Variants in RFX4 observed in about 807,000 individuals in gnomAD.
The protein encoded by RFX4 is regulatory factor X4, also known as transcription factor RFX4.
In RFX4, 10 loss-of-function variants were observed where a neutral mutation model predicts 95.0. The ratio of observed to expected loss-of-function variants is 0.11; its 90% CI spans 0.06 to 0.18. RFX4 has a LOEUF of 0.18. Among genes scored for constraint, RFX4 ranks in the 10% least tolerant of loss-of-function variants. The probability of loss-of-function intolerance (pLI) is 1.00; values close to 1 mark genes in which losing one functional copy is unlikely to be tolerated. For synonymous variants in RFX4, 321 were observed against 340.7 expected (o/e 0.94, Z 0.64); for missense variants, 640 against 922.0 (o/e 0.69, Z 3.96).
intron 11 of RFX4, among the ~76,000 whole-genome samples, chr12:106,719,520 T>C (rs145603799): frequency 4.0e-3 from 615 of 152,312 alleles, no homozygotes; most frequent in Non-Finnish European, 6.6e-3. Flanking sequence ...ACAGTGCCAT[T>C]AGTCATATAA....
chr12:106,707,871 G>T (rs537705354), intron 8 of RFX4, among the ~76,000 whole-genome samples: 1 of 152,180 alleles, frequency 6.6e-6, no homozygotes, highest in African/African-American at 2.4e-5. Flanking sequence ...AGTGGCTCAC[G>T]CCTGTAATCC....
At chr12:106,616,059 T>A (rs2040066902) in intron 2 of RFX4, among the ~76,000 whole-genome samples, 1 of 152,198 alleles carries the variant, frequency 6.6e-6, no homozygotes, top group African/African-American at 2.4e-5. Context: ...GTGAACGCAT[T>A]TAGTGTTTCA....
At chr12:106,599,829 A>C (rs551467656) in intron 1 of RFX4, among the ~76,000 whole-genome samples, 1 of 152,218 alleles carries the variant, frequency 6.6e-6, no homozygotes, top group African/African-American at 2.4e-5. Context: ...TGGTTTATGC[A>C]TGTGATCCTG....
At chr12:106,692,835 T>C (rs2041809778) in intron 7 of RFX4, among the ~76,000 whole-genome samples, 1 of 152,214 alleles carries the variant, frequency 6.6e-6, no homozygotes, top group Non-Finnish European at 1.5e-5. Flanking sequence ...TTCACCCTAA[T>C]AGTAGGAAGA....
At chr12:106,670,512 T>C (rs1210460123) in intron 4 of RFX4, among the ~76,000 whole-genome samples, 1 of 152,216 alleles carries the variant, frequency 6.6e-6, no homozygotes, top group Non-Finnish European at 1.5e-5. Context: ...CCTGGGGCTT[T>C]TCAAAGAATT....
intron 8 of RFX4, among the ~76,000 whole-genome samples, chr12:106,704,069 A>C (rs1028457981): frequency 6.7e-6 from 1 of 149,060 alleles, no homozygotes; most frequent in Non-Finnish European, 1.5e-5. Flanking sequence ...CTGTCTCAAA[A>C]AAAAAAAAAA....
At chr12:106,753,917 A>G (rs1436577477) in intron 17 of RFX4, among the ~76,000 whole-genome samples, 1 of 152,180 alleles carries the variant, frequency 6.6e-6, no homozygotes, top group Non-Finnish European at 1.5e-5. Context: ...GGGCCCCCAC[A>G]AAATGAACCA....
intron 13 of RFX4, among the ~76,000 whole-genome samples, chr12:106,731,529 C>T (rs1488410287): frequency 1.3e-5 from 2 of 152,114 alleles, no homozygotes; most frequent in Non-Finnish European, 2.9e-5. Context: ...TTGAAAAGAC[C>T]AACTATTTTT....
intron 1 of RFX4, among the ~76,000 whole-genome samples, chr12:106,606,490 A>G (rs1433527559): frequency 1.3e-5 from 2 of 152,202 alleles, no homozygotes; most frequent in Non-Finnish European, 2.9e-5. Context: ...AGAATCCTGA[A>G]AAGAACTCTG....
intron 2 of RFX4, among the ~76,000 whole-genome samples, chr12:106,619,740 CA>C (rs1291353922): frequency 6.6e-6 from 1 of 152,172 alleles, no homozygotes; most frequent in South Asian, 2.1e-4. Flanking sequence ...GATTATACTT[CA>C]TTTTTTTATG....
At position 106,762,019 on chromosome 12, in the gene RFX4, C is replaced by T. The variant is rs1566012474; in HGVS notation, c.*550C>T. ...ATCCCTATTTCCTGGAGCACCAGGG[C>T]TAAATGGGGAGCTATCTGGAAACTC... is the stretch of plus-strand genomic sequence containing the variant. On this transcript the variant is annotated 3_prime_UTR_variant, in exon 18 of 18. Transcript: ENST00000392842. The T allele has an allele frequency of 2.6e-5, 4 of 152,790 alleles. No homozygotes were observed. The highest frequency in any genetic ancestry group is 6.5e-5 in the Admixed American group (1 of 15,288). The allele number at this position is 152,790 out of a possible 1,614,324, so 9.5% of individuals were successfully genotyped here. A position where few individuals can be genotyped will look rare whatever the true frequency, so the allele number is the denominator to read the frequency against.
At chr12:106,592,693 A>G (rs1008798342) in intron 1 of RFX4, among the ~76,000 whole-genome samples, 9 of 150,368 alleles carry the variant, frequency 6.0e-5, no homozygotes, top group Admixed American at 1.3e-4. Flanking sequence ...CCATTTTTAC[A>G]CTTGGTTTTC....
intron 17 of RFX4, among the ~76,000 whole-genome samples, chr12:106,754,322 G>A (rs1371100962): frequency 6.6e-6 from 1 of 152,176 alleles, no homozygotes; most frequent in Non-Finnish European, 1.5e-5. Context: ...GAGAACGGCT[G>A]CAACAGCCTA....
At chr12:106,670,151 T>C (rs1454734281) in intron 4 of RFX4, among the ~76,000 whole-genome samples, 1 of 152,232 alleles carries the variant, frequency 6.6e-6, no homozygotes, top group Non-Finnish European at 1.5e-5. Context: ...TATTTCATGA[T>C]CACTAACATA....
Position 106,761,725 on chromosome 12 carries a change from A to T in RFX4, c.*256A>T, listed in dbSNP as rs1013123372. The T allele has an allele frequency of 5.6e-6, 1 of 178,192 alleles. No individual in the cohort carries two copies. Among genetic ancestry groups the T allele is most frequent in the African/African-American group, 2.4e-5 (1 of 42,134 alleles). The allele number at this position is 178,192 out of a possible 1,614,324, so 11.0% of individuals were successfully genotyped here. ...CCAGACTTGACTGTTTCTGTAGAGC[A>T]CTATCTCGGGCAGGCCATTCTGTGC... On this transcript the variant is annotated 3_prime_UTR_variant, in exon 18 of 18. Coordinates refer to ENST00000392842, the MANE Select transcript of RFX4 (RefSeq NM_213594.3).
rs374314976 is a variant in RFX4 at position 106,760,268 on chromosome 12, T to C, written c.1936-929T>C. On this transcript the variant is annotated intron_variant, in intron 17 of 17. Transcript: ENST00000392842. Reference sequence around the variant, plus strand: ...TCTTTGTGCTGACTGGCCTGCAGACTGGGAGCTTTCAAAGGAAGCCCATAG... The same window carrying C: ...TCTTTGTGCTGACTGGCCTGCAGACCGGGAGCTTTCAAAGGAAGCCCATAG... 2.6e-5 allele frequency among the ~76,000 whole-genome samples: 4 copies of C among 152,340 alleles called. No homozygotes were observed. In the East Asian group the frequency reaches 7.7e-4, roughly 29 times the overall value.
chr12:106,693,043 C>G (rs756507898), intron 7 of RFX4: 1 of 380,410 alleles, frequency 2.6e-6, no homozygotes, highest in Non-Finnish European at 5.3e-6. Context: ...AACTTTGATT[C>G]TCTCCTTTCC....
intron 8 of RFX4, among the ~76,000 whole-genome samples, chr12:106,701,851 G>A (rs192585956): frequency 2.6e-5 from 4 of 152,138 alleles, no homozygotes; most frequent in African/African-American, 9.6e-5. Context: ...GCAAGATCCT[G>A]TCTCTACAAA....
chr12:106,603,453 G>T (rs2039755386), intron 1 of RFX4, among the ~76,000 whole-genome samples: 1 of 152,214 alleles, frequency 6.6e-6, no homozygotes, highest in African/African-American at 2.4e-5. Context: ...AAGGTATGTG[G>T]GCTGAACTCC....
Sources: allele counts gnomAD v4.1 joint callset (sites outside exome capture counted in the v4.1 genomes callset), GRCh38; gene constraint gnomAD v4.1.1; transcripts MANE v1.5; gene names NCBI Gene and HGNC (gene_info 2026-07-23, HGNC 2026-07-21).